EXOC4: variants seen among roughly 807,000 people sequenced by gnomAD.
EXOC4 encodes the protein SEC8-like 1.
In EXOC4, 71 loss-of-function variants were observed where a neutral mutation model predicts 107.2. That is an observed-to-expected ratio of 0.66 (90% confidence interval 0.55 to 0.81). The LOEUF (loss-of-function observed/expected upper bound fraction) is 0.81, where lower values mean the gene tolerates loss of function less well. Ranked by LOEUF, EXOC4 falls within the 30% of genes least tolerant of loss-of-function variation. The pLI, the probability that EXOC4 is intolerant of heterozygous loss-of-function variation, is 0.00. For synonymous variants in EXOC4, 456 were observed against 441.2 expected (o/e 1.03, Z -0.42); for missense variants, 1,108 against 1,189.6 (o/e 0.93, Z 1.01).
chr7:133,687,929 A>G (rs1300252707), intron 10 of EXOC4, among the ~76,000 whole-genome samples: 1 of 152,188 alleles, frequency 6.6e-6, no homozygotes, highest in Non-Finnish European at 1.5e-5. Flanking sequence ...TTTTCATTGC[A>G]TCTTAAAATA....
intron 17 of EXOC4, among the ~76,000 whole-genome samples, chr7:134,033,828 A>T (rs1037735466): frequency 6.6e-6 from 1 of 152,226 alleles, no homozygotes; most frequent in African/African-American, 2.4e-5. Flanking sequence ...CAGACTTATG[A>T]TCAATAGCAC....
chr7:133,777,122 T>G (rs917392299), intron 10 of EXOC4, among the ~76,000 whole-genome samples: 2 of 152,074 alleles, frequency 1.3e-5, no homozygotes, highest in African/African-American at 4.8e-5. Context: ...TCTGCTAAGA[T>G]TATAGATTTA....
At chr7:133,338,013 T>C (rs79739087) in intron 5 of EXOC4, among the ~76,000 whole-genome samples, 95 of 23,794 alleles carry the variant, frequency 4.0e-3, no homozygotes, top group Non-Finnish European at 0.019. Flanking sequence ...TTTTCTTTCT[T>C]TTTTTTTTTT....
chr7:133,736,642 A>G (rs899498786), intron 10 of EXOC4, among the ~76,000 whole-genome samples: 1 of 152,110 alleles, frequency 6.6e-6, no homozygotes, highest in Admixed American at 6.6e-5. Context: ...ATAGTGCACC[A>G]TATTTATCCT....
At chr7:133,392,173 G>A (rs1796868236) in intron 7 of EXOC4, among the ~76,000 whole-genome samples, 1 of 152,176 alleles carries the variant, frequency 6.6e-6, no homozygotes, top group South Asian at 2.1e-4. Flanking sequence ...TATCAGTAGG[G>A]AAATAGACTG....
chr7:133,414,088 A>G (rs991456224), intron 7 of EXOC4, among the ~76,000 whole-genome samples: 3 of 152,230 alleles, frequency 2.0e-5, no homozygotes, highest in African/African-American at 7.2e-5. Flanking sequence ...TAAGTGGTCA[A>G]AGAGAAGTAT....
At chr7:133,655,981 A>G (rs1803282929) in intron 10 of EXOC4, among the ~76,000 whole-genome samples, 1 of 152,166 alleles carries the variant, frequency 6.6e-6, no homozygotes, top group Admixed American at 6.5e-5. Flanking sequence ...CATCAGCACA[A>G]TACATGAGTA....
At chr7:133,968,159 C>CT (rs1159771069) in intron 14 of EXOC4, among the ~76,000 whole-genome samples, 2 of 151,926 alleles carry the variant, frequency 1.3e-5, no homozygotes, top group African/African-American at 4.8e-5. Flanking sequence ...GCAACCACTG[C>CT]TTTTTTTTCT....
intron 11 of EXOC4, among the ~76,000 whole-genome samples, chr7:133,824,827 G>T (rs1336951479): frequency 1.3e-5 from 2 of 152,070 alleles, no homozygotes; most frequent in Non-Finnish European, 2.9e-5. Flanking sequence ...TCTGGCTCTT[G>T]TAAGGATACT....
intron 7 of EXOC4, among the ~76,000 whole-genome samples, chr7:133,417,524 A>G (rs1413102622): frequency 6.6e-6 from 1 of 152,212 alleles, no homozygotes; most frequent in African/African-American, 2.4e-5. Context: ...ATAAGAAACC[A>G]GGCGAGGTTA....
At chr7:133,599,153 GT>G (rs1255928430) in intron 9 of EXOC4, among the ~76,000 whole-genome samples, 1 of 152,062 alleles carries the variant, frequency 6.6e-6, no homozygotes, top group East Asian at 1.9e-4. Flanking sequence ...AATTTCACTT[GT>G]TTCATTTTAC....
chr7:134,044,834 C>T (rs1795609553), intron 17 of EXOC4, among the ~76,000 whole-genome samples: 1 of 152,206 alleles, frequency 6.6e-6, no homozygotes, highest in African/African-American at 2.4e-5. Flanking sequence ...TTCAGTGAGT[C>T]TCTTGATGAG....
chr7:133,471,865 A>G (rs1394910058), intron 7 of EXOC4, among the ~76,000 whole-genome samples: 1 of 152,216 alleles, frequency 6.6e-6, no homozygotes, highest in African/African-American at 2.4e-5. Flanking sequence ...TAATAATATC[A>G]GGCAGTTTTT....
chr7:133,443,247 A>G (rs898968310), intron 7 of EXOC4, among the ~76,000 whole-genome samples: 1 of 152,112 alleles, frequency 6.6e-6, no homozygotes, highest in Admixed American at 6.6e-5. Flanking sequence ...TCAGACACAG[A>G]AATGTCCTTT....
intron 9 of EXOC4, among the ~76,000 whole-genome samples, chr7:133,570,093 T>C (rs538171262): frequency 2.0e-5 from 3 of 152,340 alleles, no homozygotes; most frequent in African/African-American, 7.2e-5. Flanking sequence ...CAGGAAATAT[T>C]TGACAGTTCA....
chr7:133,690,952 T>C (rs2151077129), intron 10 of EXOC4, among the ~76,000 whole-genome samples: 1 of 152,216 alleles, frequency 6.6e-6, no homozygotes, highest in Non-Finnish European at 1.5e-5. Context: ...TAAGAGTTGC[T>C]CTCCTTTCTG....
At chr7:133,313,689 C>A (rs1011453468) in intron 4 of EXOC4, among the ~76,000 whole-genome samples, 1 of 152,154 alleles carries the variant, frequency 6.6e-6, no homozygotes, top group Non-Finnish European at 1.5e-5. Flanking sequence ...AAACTGTTTT[C>A]GTATCATGAA....
intron 9 of EXOC4, among the ~76,000 whole-genome samples, chr7:133,508,993 A>G (rs1242532814): frequency 1.3e-5 from 2 of 152,184 alleles, no homozygotes; most frequent in African/African-American, 4.8e-5. Flanking sequence ...TAAAAGGCAC[A>G]TAGTAGAAAC....
At chr7:134,024,755 A>C (rs1795101394) in intron 17 of EXOC4, among the ~76,000 whole-genome samples, 1 of 152,132 alleles carries the variant, frequency 6.6e-6, no homozygotes, top group African/African-American at 2.4e-5. Context: ...AGATGCATGC[A>C]CTCTGAACTC....
Sources: allele counts gnomAD v4.1 joint callset (sites outside exome capture counted in the v4.1 genomes callset), GRCh38; gene constraint gnomAD v4.1.1; transcripts MANE v1.5; gene names NCBI Gene and HGNC (gene_info 2026-07-23, HGNC 2026-07-21).